The following CHID1 variants were observed in gnomAD, a reference collection of about 807,000 sequenced individuals.
CHID1 encodes the protein chitinase domain containing 1.
In CHID1, 44 loss-of-function variants were observed where a neutral mutation model predicts 55.4. That is an observed-to-expected ratio of 0.79 (90% confidence interval 0.62 to 1.02). CHID1 has a LOEUF of 1.02. Ranked by LOEUF, CHID1 falls within the 50% of genes least tolerant of loss-of-function variation. CHID1 has a pLI of 0.00. For missense variants in CHID1, 491 were observed against 515.3 expected (o/e 0.95, Z 0.46); for synonymous variants, 216 against 212.9 (o/e 1.01, Z -0.13).
intron 1 of CHID1, chr11:910,558 C>T (rs938364464): frequency 8.9e-7 from 1 of 1,117,842 alleles, no homozygotes; most frequent in Admixed American, 3.8e-5. Context: ...CTCGCTCACC[C>T]TCGCTCTCAT....
chr11:883,358 C>CCCCG lies in CHID1; in HGVS notation c.804-56_804-55insCGGG, dbSNP rs896436302. The CCCCG allele has an allele frequency of 4.0e-4, 617 of 1,552,702 alleles. 17 individuals carry two copies. In the Admixed American group the frequency reaches 0.011, roughly 27 times the overall value. Reference sequence around the variant, plus strand: ...CAACAGGGAGGGCCCCGCACCTGAGCCATCATTGGGGCCCTCCACTGAGGG... The same window carrying CCCCG: ...CAACAGGGAGGGCCCCGCACCTGAGCCCCGCATCATTGGGGCCCTCCACTGAGGG... On this transcript the variant is annotated intron_variant, in intron 9 of 12. Coordinates refer to ENST00000323578, the MANE Select transcript of CHID1 (RefSeq NM_023947.4).
At chr11:900,153 T>C (rs979232727) in intron 5 of CHID1, 43 bp from the exon 6 acceptor site, 13 of 1,492,310 alleles carry the variant, frequency 8.7e-6, no homozygotes, top group South Asian at 1.1e-5. Context: ...GACTGGGAGA[T>C]GCTGGAGGGC....
At chr11:893,729 T>TG (rs764902987) in intron 7 of CHID1, among the ~76,000 whole-genome samples, 1 of 150,998 alleles carries the variant, frequency 6.6e-6, no homozygotes, top group African/African-American at 2.4e-5. Context: ...CCCCCTAGAG[T>TG]GGGGGCCTGT....
intron 10 of CHID1, among the ~76,000 whole-genome samples, chr11:874,159 G>T (rs190999839): frequency 6.6e-6 from 1 of 152,168 alleles, no homozygotes. Flanking sequence ...GGTCTAAAAC[G>T]CAAGGATTAA....
chr11:884,264 G>A lies in CHID1; in HGVS notation c.702-95C>T, dbSNP rs1850232994. The A allele has an allele frequency of 4.5e-6, 4 of 888,884 alleles. No individual in the cohort carries two copies. In the South Asian group the frequency reaches 6.3e-5, roughly 14 times the overall value. The allele number at this position is 888,884 out of a possible 1,614,324, so 55.1% of individuals were successfully genotyped here. A position where few individuals can be genotyped will look rare whatever the true frequency, so the allele number is the denominator to read the frequency against. ...GAGCAAGCTGCCTGTAGGGGACTTG[G>A]GTCACTTTTCCCAAGGGGAAAAGTG... is the stretch of plus-strand genomic sequence containing the variant. On this transcript the variant is annotated intron_variant, in intron 8 of 12. Coordinates refer to ENST00000323578, the MANE Select transcript of CHID1 (RefSeq NM_023947.4).
rs561222369 is a variant in CHID1 at position 870,614 on chromosome 11, T to TC, written c.960-116dup. 1.8e-3 allele frequency: 1,319 copies of TC among 715,638 alleles called. 6 individuals carry two copies. The highest frequency in any genetic ancestry group is 0.012 in the Middle Eastern group (31 of 2,630). The allele number at this position is 715,638 out of a possible 1,614,324, so 44.3% of individuals were successfully genotyped here. Reference sequence around the variant, plus strand: ...GCAGGGCCACTCGGGGCAGCCACTGTCCCCAGTGGTCTGGGGGACAACACC... The same window carrying TC: ...GCAGGGCCACTCGGGGCAGCCACTGTCCCCCAGTGGTCTGGGGGACAACACC... On this transcript the variant is annotated intron_variant, in intron 10 of 12. Transcript: ENST00000323578.
At chr11:899,712 G>A (rs1383840363) in intron 6 of CHID1, among the ~76,000 whole-genome samples, 2 of 152,234 alleles carry the variant, frequency 1.3e-5, no homozygotes, top group Non-Finnish European at 2.9e-5. Context: ...CAGCAGGGCT[G>A]GGTCCCCTCC....
intron 10 of CHID1, among the ~76,000 whole-genome samples, chr11:874,158 CG>C (rs1218844336): frequency 6.6e-6 from 1 of 152,168 alleles, no homozygotes; most frequent in Non-Finnish European, 1.5e-5. Context: ...AGGTCTAAAA[CG>C]CAAGGATTAA....
chr11:907,494 A>G (rs1002702596), intron 1 of CHID1, among the ~76,000 whole-genome samples: 4 of 151,578 alleles, frequency 2.6e-5, no homozygotes, highest in Admixed American at 2.0e-4. Flanking sequence ...AAAAAAAAAA[A>G]GTGATTCTAC....
At chr11:914,810 C>T, upstream of CHID1, 1 of 339,386 alleles carries the variant, frequency 2.9e-6, no homozygotes, top group South Asian at 2.2e-5. Flanking sequence ...CTTCCCCAGG[C>T]TGGCCAGTGC....
rs61441819 is a variant in CHID1 at position 898,743 on chromosome 11, T to C, written c.608+597A>G. Among the ~76,000 whole-genome samples the C allele has an allele frequency of 3.5e-3, 534 of 152,286 alleles. 20 individuals carry two copies. The East Asian group carries it at 0.089, about 25-fold the overall frequency. ...CTATCACTCCCTCCGTTCCTGGTCA[T>C]GTGGCCCACAGGGAGTGGGAACCCG... is the stretch of plus-strand genomic sequence containing the variant. On this transcript the variant is annotated intron_variant, in intron 7 of 12. Transcript: ENST00000323578.
intron 8 of CHID1, among the ~76,000 whole-genome samples, chr11:886,648 C>T (rs771744891): frequency 6.6e-6 from 1 of 152,190 alleles, no homozygotes; most frequent in East Asian, 1.9e-4. Flanking sequence ...CTCTGCCATG[C>T]GAGGACACAG....
chr11:896,189 T>C (rs1589873585), intron 7 of CHID1, among the ~76,000 whole-genome samples: 1 of 121,580 alleles, frequency 8.2e-6, no homozygotes, highest in African/African-American at 3.5e-5. Flanking sequence ...ACAACGAGGC[T>C]GTCTCAGCAC....
chr11:873,811 A>C (rs752246858), intron 10 of CHID1, among the ~76,000 whole-genome samples: 5 of 152,130 alleles, frequency 3.3e-5, no homozygotes, highest in Non-Finnish European at 7.4e-5. Flanking sequence ...CGCCACTTTG[A>C]AATGGTGCAT....
At chr11:876,161 G>A (rs998809521) in intron 10 of CHID1, among the ~76,000 whole-genome samples, 1 of 152,202 alleles carries the variant, frequency 6.6e-6, no homozygotes, top group African/African-American at 2.4e-5. Flanking sequence ...ACAGGTGCAA[G>A]GACAGATAAG....
intron 10 of CHID1, among the ~76,000 whole-genome samples, chr11:879,696 C>T (rs749312851): frequency 3.5e-4 from 54 of 152,198 alleles, no homozygotes; most frequent in Non-Finnish European, 1.0e-4. Context: ...AGTGCGGTGG[C>T]GACTCAAGGC....
At chr11:885,859 A>C (rs1850350879) in intron 8 of CHID1, among the ~76,000 whole-genome samples, 1 of 152,152 alleles carries the variant, frequency 6.6e-6, no homozygotes, top group Non-Finnish European at 1.5e-5. Flanking sequence ...GTTGATTCAA[A>C]AAGGAAAAAT....
intron 10 of CHID1, among the ~76,000 whole-genome samples, chr11:874,200 G>A (rs982227136): frequency 6.6e-5 from 10 of 152,184 alleles, no homozygotes; most frequent in African/African-American, 2.2e-4. Flanking sequence ...GGTGGCTCAC[G>A]CCTGTAATCC....
chr11:894,064 G>A (rs757809545), intron 7 of CHID1, among the ~76,000 whole-genome samples: 1 of 143,948 alleles, frequency 6.9e-6, no homozygotes, highest in Non-Finnish European at 1.5e-5. Context: ...GGAGGTTGCA[G>A]TGAGCTGAGA....
Sources: gnomAD v4.1 joint callset for allele counts (sites outside exome capture counted in the v4.1 genomes callset) on GRCh38, gnomAD v4.1.1 for gene constraint, MANE v1.5 for transcripts, NCBI Gene and HGNC (gene_info 2026-07-23, HGNC 2026-07-21) for gene names.